KLHL41: variants seen among roughly 807,000 people sequenced by gnomAD.
The protein encoded by KLHL41 is kelch-like protein 41.
In KLHL41, 31 loss-of-function variants were observed where a neutral mutation model predicts 49.2. The ratio of observed to expected loss-of-function variants is 0.63; its 90% CI spans 0.47 to 0.85. The LOEUF (loss-of-function observed/expected upper bound fraction) is 0.85. Ranked by LOEUF, KLHL41 falls within the 40% of genes least tolerant of loss-of-function variation. KLHL41 has a pLI of 0.00. For synonymous variants in KLHL41, 218 were observed against 258.5 expected, an observed-to-expected ratio of 0.84 and a Z score of 1.50; for missense variants, 663 against 726.7, an observed-to-expected ratio of 0.91 and a Z score of 1.01.
At chr2:169,521,853 G>A (rs1684208188) in intron 5 of KLHL41, among the ~76,000 whole-genome samples, 1 of 152,078 alleles carries the variant, frequency 6.6e-6, no homozygotes, top group South Asian at 2.1e-4. Flanking sequence ...GGAGGTGCCA[G>A]GCAGTTCTCC....
At chr2:169,523,531 A>G (rs759391754) in intron 5 of KLHL41, among the ~76,000 whole-genome samples, 71 of 152,152 alleles carry the variant, frequency 4.7e-4, no homozygotes, top group Non-Finnish European at 1.5e-5. Context: ...TTGGGGTAGG[A>G]TCTGGAGCAT....
Position 169,525,633 on chromosome 2 carries a change from T to G in KLHL41, c.1758T>G (p.Arg586=). 1 of 1,613,730 alleles carries G rather than the reference T, an allele frequency of 6.2e-7. No individual in the cohort carries two copies. Among genetic ancestry groups the G allele is most frequent in the Non-Finnish European group, 8.5e-7 (1 of 1,179,630 alleles). Reference sequence around the variant, plus strand: ...GGGCTGGGATGTTGAAGGAAATACGTTATGCTTCAGGAGCTAGTTGCCTAG... The same window carrying G: ...GGGCTGGGATGTTGAAGGAAATACGGTATGCTTCAGGAGCTAGTTGCCTAG... ...KEWAGMLKEI[R]YASGASCLAT... The change falls in exon 6 of 6, where the codon CGT becomes CGG. Residue 586 remains arginine (R), a synonymous_variant. Coordinates refer to ENST00000284669, the MANE Select transcript of KLHL41 (RefSeq NM_006063.3).
chr2:169,524,123 T>C (rs548782594), intron 5 of KLHL41, among the ~76,000 whole-genome samples: 106 of 152,312 alleles, frequency 7.0e-4, no homozygotes, highest in Non-Finnish European at 1.3e-3. Flanking sequence ...TTAAACCTCA[T>C]TTAACCTTAA....
At chr2:169,515,808 G>T (rs1444629144) in intron 3 of KLHL41, among the ~76,000 whole-genome samples, 1 of 152,192 alleles carries the variant, frequency 6.6e-6, no homozygotes, top group Admixed American at 6.5e-5. Flanking sequence ...TATTTCCTCA[G>T]CAGTGTTCTT....
At chr2:169,511,132 T>C (rs1159069077) in intron 1 of KLHL41, among the ~76,000 whole-genome samples, 1 of 152,242 alleles carries the variant, frequency 6.6e-6, no homozygotes, top group African/African-American at 2.4e-5. Flanking sequence ...TAAGATGTTC[T>C]TTATACTATT....
In KLHL41 at chr2:169,525,688, A is replaced by G. The variant is rs367710064; in HGVS notation, c.1813A>G (p.Lys605Glu). The G allele has an allele frequency of 1.3e-6, 2 of 1,592,534 alleles. No individual in the cohort carries two copies. Among genetic ancestry groups the G allele is most frequent in the South Asian group, 1.1e-5 (1 of 90,502 alleles). Residue 605 changes from lysine (K) to glutamate (E), a missense_variant, in exon 6 of 6, where the codon AAA becomes GAA. Physicochemically the swap from Lys to Glu is moderately conservative, Grantham distance 56. Around this residue, in one of 3 missense-constraint regions of KLHL41, gnomAD observed 528 missense variants for 581.0 expected, o/e 0.91. Coordinates refer to ENST00000284669, the MANE Select transcript of KLHL41 (RefSeq NM_006063.3). The part of the protein sequence containing the change: ...ATRLNLFKLS[K>E]L The stretch of plus-strand genomic sequence containing the variant: ...ACGTTTAAATCTCTTCAAACTGTCT[A>G]AACTGTGAACAAGGTGACAAAACAT...
At chr2:169,524,796 G>T (rs997055257) in intron 5 of KLHL41, among the ~76,000 whole-genome samples, 2 of 142,608 alleles carry the variant, frequency 1.4e-5, no homozygotes, top group Admixed American at 6.9e-5. Flanking sequence ...ACATTGATAT[G>T]GGGGGGGGAA....
At chr2:169,524,897 G>A (rs1478629743) in intron 5 of KLHL41, among the ~76,000 whole-genome samples, 1 of 152,114 alleles carries the variant, frequency 6.6e-6, no homozygotes, top group Non-Finnish European at 1.5e-5. Context: ...GGTGAGAAAG[G>A]TTTCAGAGAG....
intron 3 of KLHL41, among the ~76,000 whole-genome samples, chr2:169,515,945 G>C (rs1451066523): frequency 6.6e-6 from 1 of 152,158 alleles, no homozygotes; most frequent in Non-Finnish European, 1.5e-5. Flanking sequence ...AACCTAACTT[G>C]ATTTCCAGTC....
Position 169,525,913 on chromosome 2 carries a change from T to C in KLHL41, c.*217T>C. ...CATTTTCTAATAATAAATTAAATCT[T>C]CAGTTGAACAAATTATTTTGTGAAT... is the stretch of plus-strand genomic sequence containing the variant. On this transcript the variant is annotated 3_prime_UTR_variant, in exon 6 of 6. Transcript: ENST00000284669. 2.8e-6 allele frequency: 1 copy of C among 351,758 alleles called. No homozygotes were observed. Among genetic ancestry groups the C allele is most frequent in the South Asian group, 1.1e-4 (1 of 9,266 alleles). 21.8% of individuals were successfully genotyped at this position (351,758 alleles called of 1,614,324 possible).
intron 1 of KLHL41, 126 bp downstream of exon 1, chr2:169,511,014 C>A: frequency 1.3e-6 from 1 of 784,270 alleles, no homozygotes; most frequent in African/African-American, 1.7e-5. Flanking sequence ...ATTCCAGTCC[C>A]TTGCACTTTT....
At chr2:169,520,743 G>A (rs937743225) in intron 4 of KLHL41, 118 bp from the exon 5 acceptor site, 14 of 781,418 alleles carry the variant, frequency 1.8e-5, no homozygotes, top group East Asian at 1.1e-4. Context: ...ATGAGCCACC[G>A]CGCCTGGCTG....
At position 169,516,837 on chromosome 2, in the gene KLHL41, C is replaced by T. The variant is rs1213380132; in HGVS notation, c.1377-1353C>T. On this transcript the variant is annotated intron_variant, in intron 3 of 5. Coordinates refer to ENST00000284669, the MANE Select transcript of KLHL41 (RefSeq NM_006063.3). ...GGGAATTTGAGACCAGCCTGTCCAA[C>T]GTGGAGAAACCCCGTCTCTACTAAA... Among the ~76,000 whole-genome samples, 3 of 152,198 alleles carry T rather than the reference C, an allele frequency of 2.0e-5. No homozygotes were observed. In the East Asian group the frequency reaches 5.8e-4, roughly 29 times the overall value.
At position 169,510,684 on chromosome 2, in the gene KLHL41, A is replaced by G. The variant is rs1684018427; in HGVS notation, c.906A>G (p.Val302=). The change falls in exon 1 of 6, where the codon GTA becomes GTG. Residue 302 remains valine, a synonymous_variant. Coordinates refer to ENST00000284669, the MANE Select transcript of KLHL41 (RefSeq NM_006063.3). The surrounding 1 kb of genome is among the most constrained non-coding windows in gnomAD (Gnocchi z 4.2). The part of the protein sequence containing the change: ...LNDIPRHGMF[V]KDLILLVNDT... ...ACATTCCCAGGCATGGAATGTTTGT[A>G]AAAGACCTCATCCTCTTGGTTAATG... 1.2e-6 allele frequency: 2 copies of G among 1,614,170 alleles called. No individual in the cohort carries two copies. Among genetic ancestry groups the G allele is most frequent in the Non-Finnish European group, 1.7e-6 (2 of 1,180,034 alleles).
intron 5 of KLHL41, among the ~76,000 whole-genome samples, chr2:169,523,743 C>A (rs1684238251): frequency 6.6e-6 from 1 of 152,158 alleles, no homozygotes. Flanking sequence ...GCAGCATCAG[C>A]CTCACCTGGG....
At chr2:169,514,768 A>G in intron 2 of KLHL41, 37 bp downstream of exon 2, 1 of 1,605,848 alleles carries the variant, frequency 6.2e-7, no homozygotes, top group Non-Finnish European at 8.5e-7. Flanking sequence ...CTAAGCATTC[A>G]AGTATATGCG....
intron 1 of KLHL41, 180 bp from the exon 2 acceptor site, chr2:169,514,394 C>T: frequency 2.1e-6 from 1 of 473,810 alleles, no homozygotes; most frequent in Non-Finnish European, 3.7e-6. Flanking sequence ...AGTAGATTTA[C>T]TCATTCTTCT....
Position 169,510,156 on chromosome 2 carries a change from T to G in KLHL41, c.378T>G (p.Leu126=). The G allele has an allele frequency of 6.2e-7, 1 of 1,614,168 alleles. No homozygotes were observed. Among genetic ancestry groups the G allele is most frequent in the Non-Finnish European group, 8.5e-7 (1 of 1,180,030 alleles). ...TGTTTACTGTCTGCGTTTCTTATCT[T>G]CAGAAAAGACTTGCTCCTGGTAACT... ...PSVFTVCVSY[L]QKRLAPGNCL... Residue 126 remains leucine, a synonymous_variant, in exon 1 of 6, where the codon CTT becomes CTG. Transcript: ENST00000284669. This position sits in a 1 kb window ranked among gnomAD's most constrained non-coding sequence, Gnocchi z 4.2.
Position 169,525,803 on chromosome 2 carries a change from T to A in KLHL41, c.*107T>A. 1 of 606,156 alleles carries A rather than the reference T, an allele frequency of 1.6e-6. No homozygotes were observed. The highest frequency in any genetic ancestry group is 2.9e-6 in the Non-Finnish European group (1 of 347,658). The allele number at this position is 606,156 out of a possible 1,614,324, so 37.5% of individuals were successfully genotyped here. ...GTACAGACACTCATGTAGAAATTATTCAAGAAGTTATTGTCTAAGAGATGA... is the reference window on the plus strand; with the variant it reads ...GTACAGACACTCATGTAGAAATTATACAAGAAGTTATTGTCTAAGAGATGA... On this transcript the variant is annotated 3_prime_UTR_variant, in exon 6 of 6. Transcript: ENST00000284669.
Sources: allele counts gnomAD v4.1 joint callset (sites outside exome capture counted in the v4.1 genomes callset), GRCh38; gene constraint gnomAD v4.1.1; regional missense constraint gnomAD v4.1.1; non-coding constraint Gnocchi (gnomAD v3.1); transcripts MANE v1.5; gene names NCBI Gene and HGNC (gene_info 2026-07-23, HGNC 2026-07-21).